CRYZL1: variants seen among roughly 807,000 people sequenced by gnomAD.
CRYZL1 encodes the protein crystallin zeta like 1.
A neutral mutation model predicts 50.6 loss-of-function variants in CRYZL1; 34 were observed. That is an observed-to-expected ratio of 0.67 (90% CI 0.51 to 0.89). CRYZL1 has a LOEUF of 0.89. Ranked by LOEUF, CRYZL1 falls within the 40% of genes least tolerant of loss-of-function variation. CRYZL1 has a pLI of 0.00. For synonymous variants in CRYZL1, 125 were observed against 134.3 expected (o/e 0.93, Z 0.48); for missense variants, 354 against 402.3 (o/e 0.88, Z 1.03).
chr21:33,641,353 C>T, intron 1 of CRYZL1: 1 of 1,521,182 alleles, frequency 6.6e-7, no homozygotes, highest in Non-Finnish European at 8.8e-7. Flanking sequence ...ATTCTAGGAA[C>T]AAGAAGCAGA....
chr21:33,596,323 A>T (rs541622731), intron 10 of CRYZL1: 2 of 341,220 alleles, frequency 5.9e-6, no homozygotes, highest in African/African-American at 4.4e-5. Context: ...TGTCACCGAG[A>T]AAAAATGCTA....
chr21:33,608,856 C>T (rs1277336461), intron 6 of CRYZL1, among the ~76,000 whole-genome samples: 1 of 152,112 alleles, frequency 6.6e-6, no homozygotes, highest in Admixed American at 6.5e-5. Flanking sequence ...TCAAAGCTTC[C>T]GGGAAAATAT....
intron 2 of CRYZL1, among the ~76,000 whole-genome samples, chr21:33,628,104 C>T (rs1490806747): frequency 5.3e-5 from 8 of 152,102 alleles, no homozygotes; most frequent in African/African-American, 1.4e-4. Context: ...TTGTGGTATT[C>T]GGAATACATT....
At chr21:33,595,587 T>C (rs1217812177) in intron 11 of CRYZL1, 144 bp downstream of exon 11, 2 of 1,395,492 alleles carry the variant, frequency 1.4e-6, no homozygotes, top group Non-Finnish European at 2.0e-6. Context: ...AATGTTTAAA[T>C]GAATACTTGC....
Position 33,624,711 on chromosome 21 carries a change from G to A in CRYZL1, c.116C>T (p.Ala39Val), listed in dbSNP as rs150528653. Residue 39 changes from alanine (A) to valine (V), a missense_variant, in exon 3 of 13, where the codon GCT (alanine) becomes GTT (valine). By Grantham distance (64) the Ala-to-Val change is moderately conservative. Coordinates refer to ENST00000381554, the MANE Select transcript of CRYZL1 (RefSeq NM_145858.3). ...TGTATTTATCTGGCTCAGAGCACAAGCTTTAACTTGAAGTTTCACAAAGTT... is the reference window on the plus strand; with the variant it reads ...TGTATTTATCTGGCTCAGAGCACAAACTTTAACTTGAAGTTTCACAAAGTT... ...EDNFVKLQVK[A>V]CALSQINTKL... 37 of 1,597,998 alleles carry A rather than the reference G, an allele frequency of 2.3e-5. No individual in the cohort carries two copies. In the African/African-American group the frequency reaches 2.7e-4, roughly 12 times the overall value.
intron 1 of CRYZL1, chr21:33,640,327 G>A: frequency 7.7e-7 from 1 of 1,298,666 alleles, no homozygotes; most frequent in Non-Finnish European, 1.0e-6. Flanking sequence ...CATCGATAAG[G>A]GAAATTAGTG....
chr21:33,624,887 T>G (rs1192332796), intron 2 of CRYZL1, 127 bp from the exon 3 acceptor site: 1 of 1,264,906 alleles, frequency 7.9e-7, no homozygotes, highest in Non-Finnish European at 1.0e-6. Flanking sequence ...CACAGCTAAT[T>G]TTAACAACTA....
chr21:33,624,107 A>G (rs2087032793), intron 3 of CRYZL1, among the ~76,000 whole-genome samples: 1 of 152,184 alleles, frequency 6.6e-6, no homozygotes, highest in Non-Finnish European at 1.5e-5. Flanking sequence ...AGTTTATAAA[A>G]TATTATAAAA....
intron 4 of CRYZL1, 39 bp from the exon 5 acceptor site, chr21:33,616,789 T>G: frequency 6.9e-7 from 1 of 1,456,276 alleles, no homozygotes; most frequent in Non-Finnish European, 9.3e-7. Flanking sequence ...TATTACAAGT[T>G]TATTAAATAT....
At chr21:33,637,699 T>C (rs1483263399) in intron 1 of CRYZL1, among the ~76,000 whole-genome samples, 1 of 150,732 alleles carries the variant, frequency 6.6e-6, no homozygotes, top group African/African-American at 2.4e-5. Flanking sequence ...ATAATGTTTC[T>C]AACCTACCTT....
chr21:33,612,412 G>A (rs1019849456), intron 6 of CRYZL1, among the ~76,000 whole-genome samples: 19 of 151,754 alleles, frequency 1.3e-4, no homozygotes, highest in African/African-American at 4.1e-4. Flanking sequence ...TCAGCCTCCC[G>A]AGTAGCTGGG....
At chr21:33,602,964 CTT>C (rs1001642987) in intron 7 of CRYZL1, among the ~76,000 whole-genome samples, 1 of 152,122 alleles carries the variant, frequency 6.6e-6, no homozygotes, top group African/African-American at 2.4e-5. Context: ...CTTTTAGTGT[CTT>C]GAACTATTTT....
intron 5 of CRYZL1, 135 bp downstream of exon 5, chr21:33,616,571 C>T (rs560840751): frequency 1.0e-5 from 16 of 1,528,532 alleles, no homozygotes; most frequent in Middle Eastern, 1.7e-4. Context: ...GGATTACAGA[C>T]GTGAGCCACA....
chr21:33,615,146 CTT>C lies in CRYZL1; in HGVS notation c.263-1542_263-1541del, dbSNP rs1323919492. Among the ~76,000 whole-genome samples the C allele has an allele frequency of 9.3e-3, 1,231 of 132,564 alleles. 3 individuals carry two copies. The highest frequency in any genetic ancestry group is 0.014 in the African/African-American group (502 of 36,052). The allele number at this position is 132,564 out of a possible 152,430, so 87.0% of individuals were successfully genotyped here. On this transcript the variant is annotated intron_variant, in intron 5 of 12. Coordinates refer to ENST00000381554, the MANE Select transcript of CRYZL1 (RefSeq NM_145858.3). Reference sequence around the variant, plus strand: ...AGGCTAAATATTTTTTCTTTCTTTTCTTTCTCTCTTTTTTTTTTTTTTTTTTG... The same window carrying C: ...AGGCTAAATATTTTTTCTTTCTTTTCTCTCTCTTTTTTTTTTTTTTTTTTG...
chr21:33,632,189 A>G (rs986359217), intron 1 of CRYZL1, among the ~76,000 whole-genome samples: 3 of 149,672 alleles, frequency 2.0e-5, no homozygotes, highest in Admixed American at 1.3e-4. Context: ...AAAATTAGCC[A>G]GGTGTGGCGG....
intron 5 of CRYZL1, among the ~76,000 whole-genome samples, chr21:33,615,853 C>G (rs1394042967): frequency 6.6e-6 from 1 of 152,168 alleles, no homozygotes; most frequent in Non-Finnish European, 1.5e-5. Flanking sequence ...GACTAAGCAT[C>G]TGCCAGAAAA....
At position 33,640,326 on chromosome 21, in the gene CRYZL1, G is replaced by C. The variant is rs969845350; in HGVS notation, c.-7+1355C>G. ...TAAGCTGGAACAGAGGCATCGATAA[G>C]GGAAATTAGTGATAAAAGGTAGTAA... On this transcript the variant is annotated intron_variant, in intron 1 of 12. Transcript: ENST00000381554. The C allele has an allele frequency of 3.0e-6, 4 of 1,317,486 alleles. No homozygotes were observed. In the African/African-American group the frequency reaches 6.1e-5, roughly 20 times the overall value. 81.6% of individuals were successfully genotyped at this position (1,317,486 alleles called of 1,614,324 possible).
intron 8 of CRYZL1, 94 bp from the exon 9 acceptor site, chr21:33,599,342 C>T: frequency 6.6e-7 from 1 of 1,510,318 alleles, no homozygotes; most frequent in Non-Finnish European, 9.1e-7. Context: ...AAATAAATAT[C>T]TATTCTTGAA....
At chr21:33,636,372 C>A (rs2087206934) in intron 1 of CRYZL1, among the ~76,000 whole-genome samples, 1 of 152,088 alleles carries the variant, frequency 6.6e-6, no homozygotes, top group African/African-American at 2.4e-5. Context: ...CTTAAACATA[C>A]AAAACTTTTT....
Sources: allele counts gnomAD v4.1 joint callset (sites outside exome capture counted in the v4.1 genomes callset), GRCh38; gene constraint gnomAD v4.1.1; transcripts MANE v1.5; gene names NCBI Gene and HGNC (gene_info 2026-07-23, HGNC 2026-07-21).